GSPT1: variants seen among roughly 807,000 people sequenced by gnomAD.
GSPT1 encodes the protein G1 to S phase transition 1.
Under a neutral mutation model 72.5 loss-of-function variants are expected in GSPT1, and 20 were observed. The ratio of observed to expected loss-of-function variants is 0.28; its 90% CI spans 0.19 to 0.40. The LOEUF is 0.40. Ranked by LOEUF, GSPT1 falls within the 10% of genes least tolerant of loss-of-function variation. The pLI is 1.00. For synonymous variants in GSPT1, 334 were observed against 293.5 expected (o/e 1.14, Z -1.41); for missense variants, 580 against 811.9 (o/e 0.71, Z 3.47).
chr16:11,888,084 G>A (rs1431403043), intron 6 of GSPT1, among the ~76,000 whole-genome samples: 2 of 152,236 alleles, frequency 1.3e-5, no homozygotes, highest in Non-Finnish European at 2.9e-5. Context: ...GAACCTGGGA[G>A]GAGGAGGTTG....
intron 1 of GSPT1, among the ~76,000 whole-genome samples, chr16:11,898,662 G>A (rs558841063): frequency 6.6e-6 from 1 of 152,174 alleles, no homozygotes; most frequent in African/African-American, 2.4e-5. Flanking sequence ...CGTTGGTCAG[G>A]CTGGTTTTGA....
intron 8 of GSPT1, 32 bp downstream of exon 8, chr16:11,886,745 A>T: frequency 6.3e-7 from 1 of 1,599,356 alleles, no homozygotes; most frequent in Non-Finnish European, 8.6e-7. Flanking sequence ...CCTTAATCCC[A>T]CTAACATAAA....
intron 3 of GSPT1, among the ~76,000 whole-genome samples, chr16:11,897,553 C>T (rs1173369204): frequency 6.6e-6 from 1 of 152,160 alleles, no homozygotes; most frequent in Non-Finnish European, 1.5e-5. Context: ...CCACTACACT[C>T]CAGCCTGGGC....
intron 1 of GSPT1, among the ~76,000 whole-genome samples, chr16:11,907,513 C>A (rs772756763): frequency 2.6e-4 from 40 of 152,250 alleles, no homozygotes; most frequent in Non-Finnish European, 5.1e-4. Context: ...AAAATAATTT[C>A]AAAAACCTTT....
chr16:11,879,112 A>AG (rs1252882297), intron 11 of GSPT1, among the ~76,000 whole-genome samples: 1 of 149,154 alleles, frequency 6.7e-6, no homozygotes. Context: ...ATAATAAAAA[A>AG]AAGGCCGGGC....
chr16:11,882,598 G>A (rs1036752522), intron 11 of GSPT1: 2 of 156,192 alleles, frequency 1.3e-5, no homozygotes, highest in African/African-American at 4.8e-5. Context: ...CAACATCTTT[G>A]GAGCTGTTAG....
At chr16:11,891,255 G>C in intron 5 of GSPT1, 116 bp from the exon 6 acceptor site, 2 of 396,218 alleles carry the variant, frequency 5.0e-6, no homozygotes, top group Non-Finnish European at 8.9e-6. Flanking sequence ...TATTTTATAT[G>C]TGTGTGTCTG....
chr16:11,875,226 G>T (rs2054032281), intron 14 of GSPT1, among the ~76,000 whole-genome samples: 1 of 151,924 alleles, frequency 6.6e-6, no homozygotes, highest in Non-Finnish European at 1.5e-5. Flanking sequence ...AAGGGAAAGG[G>T]AAAGGGAAAG....
At chr16:11,887,852 A>G in intron 6 of GSPT1, 102 bp from the exon 7 acceptor site, 1 of 778,236 alleles carries the variant, frequency 1.3e-6, no homozygotes, top group Non-Finnish European at 2.1e-6. Flanking sequence ...CAACACCTAA[A>G]TCACGAACAA....
At chr16:11,885,576 T>C (rs1031847998) in intron 9 of GSPT1, among the ~76,000 whole-genome samples, 3 of 152,116 alleles carry the variant, frequency 2.0e-5, no homozygotes, top group African/African-American at 7.3e-5. Flanking sequence ...ACCAAGATTC[T>C]ATAAAATAAT....
chr16:11,912,483 G>A (rs1384523320), intron 1 of GSPT1, among the ~76,000 whole-genome samples: 1 of 152,062 alleles, frequency 6.6e-6, no homozygotes, highest in Non-Finnish European at 1.5e-5. Flanking sequence ...TTTGGAGACA[G>A]TGCCTCCTCC....
At position 11,889,859 on chromosome 16, in the gene GSPT1, C is replaced by T. The variant is rs539901804; in HGVS notation, c.776+1203G>A. Among the ~76,000 whole-genome samples the T allele has an allele frequency of 8.6e-5, 13 of 152,038 alleles. No individual in the cohort carries two copies. The East Asian group carries it at 1.7e-3, about 20-fold the overall frequency. On this transcript the variant is annotated intron_variant, in intron 6 of 14. Coordinates refer to ENST00000434724, the MANE Select transcript of GSPT1 (RefSeq NM_002094.4). ...TTCACCATATTGGCCAGGGTGGTCT[C>T]GAACTCCTGACCTCAGGTGTGATCT...
In GSPT1 at chr16:11,877,265, T is replaced by C. The variant is rs1207001712; in HGVS notation, c.1602+142A>G. 1 of 585,934 alleles carries C rather than the reference T, an allele frequency of 1.7e-6. No individual in the cohort carries two copies. Among genetic ancestry groups the C allele is most frequent in the Non-Finnish European group, 2.9e-6 (1 of 340,600 alleles). The allele number at this position is 585,934 out of a possible 1,614,324, so 36.3% of individuals were successfully genotyped here. On this transcript the variant is annotated intron_variant, in intron 12 of 14. Coordinates refer to ENST00000434724, the MANE Select transcript of GSPT1 (RefSeq NM_002094.4). The surrounding 1 kb of genome is among the most constrained non-coding windows in gnomAD (Gnocchi z 4.0). Reference sequence around the variant, plus strand: ...GCCTATTGTGGTTATGATATATAAGTGGCTTATAATATTTCCATTCCCCTT... The same window carrying C: ...GCCTATTGTGGTTATGATATATAAGCGGCTTATAATATTTCCATTCCCCTT...
At chr16:11,883,984 C>T (rs2054156806) in intron 10 of GSPT1, among the ~76,000 whole-genome samples, 1 of 151,420 alleles carries the variant, frequency 6.6e-6, no homozygotes. Context: ...TGTACAAATT[C>T]AGGTTCTCCT....
At chr16:11,910,671 C>G (rs1400830651) in intron 1 of GSPT1, among the ~76,000 whole-genome samples, 1 of 152,184 alleles carries the variant, frequency 6.6e-6, no homozygotes, top group Non-Finnish European at 1.5e-5. Flanking sequence ...GCAAGCAAAT[C>G]AAGGCTTAAA....
Position 11,891,178 on chromosome 16 carries a change from T to C in GSPT1, c.699-39A>G, listed in dbSNP as rs1004559809. ...AAGAAAAAAAAAAGTAAACAATTAC[T>C]CACAAATTACTCAGTGGAATTAGGA... On this transcript the variant is annotated intron_variant, in intron 5 of 14. Transcript: ENST00000434724. The C allele has an allele frequency of 5.7e-6, 6 of 1,059,134 alleles. No homozygotes were observed. In the African/African-American group the frequency reaches 9.7e-5, roughly 17 times the overall value. The allele number at this position is 1,059,134 out of a possible 1,614,324, so 65.6% of individuals were successfully genotyped here. A position where few individuals can be genotyped will look rare whatever the true frequency, so the allele number is the denominator to read the frequency against.
rs2054281615 is a variant in GSPT1 at position 11,892,636 on chromosome 16, G to C, written c.699-1497C>G. Among the ~76,000 whole-genome samples, 3 of 150,828 alleles carry C rather than the reference G, an allele frequency of 2.0e-5. No homozygotes were observed. In the South Asian group the frequency reaches 6.2e-4, roughly 31 times the overall value. On this transcript the variant is annotated intron_variant, in intron 5 of 14. Coordinates refer to ENST00000434724, the MANE Select transcript of GSPT1 (RefSeq NM_002094.4). ...AAGGTCAGGAGTTCAAGACCAGCCT[G>C]ACCAACATGGTGAAACCTCATCTCT...
upstream of GSPT1, chr16:11,916,065 C>T: frequency 1.8e-6 from 1 of 566,386 alleles, no homozygotes; most frequent in Non-Finnish European, 3.4e-6. Context: ...GTTCTCTGTT[C>T]TGGCCGCCCC....
At chr16:11,910,065 C>G (rs985918826) in intron 1 of GSPT1, among the ~76,000 whole-genome samples, 1 of 152,058 alleles carries the variant, frequency 6.6e-6, no homozygotes, top group African/African-American at 2.4e-5. Flanking sequence ...CAATTATACT[C>G]CAGCTTGGGT....
Sources: gnomAD v4.1 joint callset for allele counts (sites outside exome capture counted in the v4.1 genomes callset) on GRCh38, gnomAD v4.1.1 for gene constraint, Gnocchi (gnomAD v3.1) non-coding constraint, MANE v1.5 for transcripts, NCBI Gene and HGNC (gene_info 2026-07-23, HGNC 2026-07-21) for gene names.